Variants in ARMC2 observed in about 807,000 individuals in gnomAD.
The protein encoded by ARMC2 is armadillo repeat-containing protein 2.
In ARMC2, 67 loss-of-function variants were observed where a neutral mutation model predicts 90.3. The observed-to-expected ratio is 0.74, with a 90% CI of 0.61 to 0.91. The LOEUF (loss-of-function observed/expected upper bound fraction) is 0.91, where lower values mean the gene tolerates loss of function less well. Ranked by LOEUF, ARMC2 falls within the 40% of genes least tolerant of loss-of-function variation. ARMC2 has a pLI of 0.00. For missense variants in ARMC2, 920 were observed against 1,030.9 expected, an observed-to-expected ratio of 0.89 and a Z score of 1.47; for synonymous variants, 393 against 393.0, an observed-to-expected ratio of 1.00 and a Z score of 0.00.
At chr6:108,920,610 T>C (rs779155675) in intron 10 of ARMC2, among the ~76,000 whole-genome samples, 1 of 152,100 alleles carries the variant, frequency 6.6e-6, no homozygotes, top group Non-Finnish European at 1.5e-5. Flanking sequence ...GAAACCTAAA[T>C]ATGTAATGCC....
the ARMC2 span, among the ~76,000 whole-genome samples, chr6:109,008,311 G>A: frequency 6.6e-6 from 1 of 152,154 alleles, no homozygotes; most frequent in African/African-American, 2.4e-5. Flanking sequence ...AACTGTAAAT[G>A]TTAATTCAAT....
chr6:109,007,690 T>G, the ARMC2 span, among the ~76,000 whole-genome samples: 1 of 151,814 alleles, frequency 6.6e-6, no homozygotes, highest in Non-Finnish European at 1.5e-5. Context: ...CTAGAAGTGT[T>G]AGAAATATGC....
chr6:108,849,961 G>A (rs1018969500), intron 1 of ARMC2, among the ~76,000 whole-genome samples: 1 of 152,190 alleles, frequency 6.6e-6, no homozygotes, highest in African/African-American at 2.4e-5. Flanking sequence ...GTTATGGAAG[G>A]GTCCTGAGTA....
intron 5 of ARMC2, among the ~76,000 whole-genome samples, chr6:108,891,332 C>A (rs1215406801): frequency 6.6e-6 from 1 of 152,196 alleles, no homozygotes; most frequent in East Asian, 1.9e-4. Flanking sequence ...GCCACACTGT[C>A]TTCCACAATG....
chr6:109,035,433 C>T, the ARMC2 span, among the ~76,000 whole-genome samples: 4 of 151,588 alleles, frequency 2.6e-5, no homozygotes, highest in South Asian at 4.2e-4. Context: ...TATAAAAGGT[C>T]GGGAGAAAGC....
chr6:108,855,756 C>T (rs892725236), intron 2 of ARMC2, among the ~76,000 whole-genome samples: 2 of 152,188 alleles, frequency 1.3e-5, no homozygotes, highest in Non-Finnish European at 2.9e-5. Context: ...TTTGGCCATT[C>T]GAATAAGTGT....
chr6:108,931,974 A>G (rs948445104), intron 11 of ARMC2, among the ~76,000 whole-genome samples: 2 of 151,830 alleles, frequency 1.3e-5, no homozygotes, highest in Non-Finnish European at 2.9e-5. Flanking sequence ...CATGTTGGTC[A>G]GGCTGGTCTT....
chr6:109,013,354 G>A, the ARMC2 span, among the ~76,000 whole-genome samples: 1 of 152,148 alleles, frequency 6.6e-6, no homozygotes, highest in Non-Finnish European at 1.5e-5. Context: ...GGAGAGAAGT[G>A]TAGAAGATGA....
At chr6:108,990,859 T>C in the ARMC2 span, 1 of 1,587,928 alleles carries the variant, frequency 6.3e-7, no homozygotes, top group Non-Finnish European at 8.6e-7. Flanking sequence ...ATAGAACAAA[T>C]GTGAATAAAT....
intron 1 of ARMC2, among the ~76,000 whole-genome samples, chr6:108,853,669 T>C (rs989946932): frequency 2.0e-5 from 3 of 152,182 alleles, no homozygotes; most frequent in African/African-American, 7.2e-5. Context: ...TCAGTTGGTA[T>C]TGATATTTGG....
At chr6:108,934,870 A>G (rs1299632175) in intron 11 of ARMC2, among the ~76,000 whole-genome samples, 1 of 152,182 alleles carries the variant, frequency 6.6e-6, no homozygotes, top group African/African-American at 2.4e-5. Flanking sequence ...TATTTAACAG[A>G]TATTTGTATA....
intron 10 of ARMC2, among the ~76,000 whole-genome samples, chr6:108,919,263 G>A (rs1301505404): frequency 1.3e-5 from 2 of 152,204 alleles, no homozygotes; most frequent in South Asian, 2.1e-4. Context: ...GTTTTTAAAT[G>A]TAGAGATTAA....
chr6:109,051,279 G>A, the ARMC2 span, among the ~76,000 whole-genome samples: 1 of 152,210 alleles, frequency 6.6e-6, no homozygotes, highest in South Asian at 2.1e-4. Context: ...CAGAGGATCA[G>A]AATATTATAA....
At chr6:108,853,917 A>G (rs1261238812) in intron 1 of ARMC2, among the ~76,000 whole-genome samples, 2 of 152,116 alleles carry the variant, frequency 1.3e-5, no homozygotes, top group Non-Finnish European at 2.9e-5. Flanking sequence ...TGTTTTTTGT[A>G]GGCTGAAGAC....
At chr6:108,852,855 G>T (rs1774146813) in intron 1 of ARMC2, among the ~76,000 whole-genome samples, 2 of 152,080 alleles carry the variant, frequency 1.3e-5, no homozygotes, top group Admixed American at 1.3e-4. Context: ...AACCTGTCAT[G>T]GCTGCTTAAG....
the ARMC2 span, among the ~76,000 whole-genome samples, chr6:108,982,973 C>T: frequency 2.0e-5 from 3 of 151,948 alleles, no homozygotes; most frequent in Non-Finnish European, 4.4e-5. Flanking sequence ...TACCGGTGCA[C>T]ACCACCATGC....
chr6:108,895,709 T>C (rs1184256242), intron 6 of ARMC2, among the ~76,000 whole-genome samples: 1 of 152,122 alleles, frequency 6.6e-6, no homozygotes, highest in Non-Finnish European at 1.5e-5. Flanking sequence ...ACAAACATAA[T>C]ATGAGATGAA....
chr6:108,956,426 G>C (rs1777587514), intron 13 of ARMC2, among the ~76,000 whole-genome samples: 1 of 152,078 alleles, frequency 6.6e-6, no homozygotes, highest in African/African-American at 2.4e-5. Context: ...GCTGGGCACG[G>C]TGGTTCGCGC....
chr6:108,858,196 T>C lies in ARMC2; in HGVS notation c.219-3T>C, dbSNP rs1188953399. On this transcript the variant is annotated splice_polypyrimidine_tract_variant and splice_region_variant and intron_variant, in intron 2 of 17. Coordinates refer to ENST00000392644, the MANE Select transcript of ARMC2 (RefSeq NM_032131.6). ...TAACACTCTGCACCATCTTTTATGC[T>C]AGCCTCCATGCATCCAGTTTTGAGT... 1.2e-6 allele frequency: 2 copies of C among 1,607,238 alleles called. No homozygotes were observed. Among genetic ancestry groups the C allele is most frequent in the African/African-American group, 1.3e-5 (1 of 74,822 alleles).
Sources: allele counts gnomAD v4.1 joint callset (sites outside exome capture counted in the v4.1 genomes callset), GRCh38; gene constraint gnomAD v4.1.1; transcripts MANE v1.5; gene names NCBI Gene and HGNC (gene_info 2026-07-23, HGNC 2026-07-21).